CLEC16A: variants seen among roughly 807,000 people sequenced by gnomAD.
CLEC16A encodes the protein protein CLEC16A.
In CLEC16A, 51 loss-of-function variants were observed where a neutral mutation model predicts 109.5. The ratio of observed to expected loss-of-function variants is 0.47; its 90% CI spans 0.37 to 0.59. The LOEUF (loss-of-function observed/expected upper bound fraction) is 0.59, where lower values mean the gene tolerates loss of function less well. Ranked by LOEUF, CLEC16A falls within the 20% of genes least tolerant of loss-of-function variation. The pLI, the probability that CLEC16A is intolerant of heterozygous loss-of-function variation, is 0.00. For synonymous variants in CLEC16A, 673 were observed against 564.2 expected (o/e 1.19, Z -2.73); for missense variants, 1,339 against 1,394.0 (o/e 0.96, Z 0.63).
At chr16:11,067,500 G>A (rs2048837572) in intron 19 of CLEC16A, among the ~76,000 whole-genome samples, 1 of 152,176 alleles carries the variant, frequency 6.6e-6, no homozygotes, top group Non-Finnish European at 1.5e-5. Context: ...AGAGACGGCA[G>A]TGTGGCCACA....
chr16:11,073,169 G>C (rs781035785), intron 19 of CLEC16A, among the ~76,000 whole-genome samples: 1 of 152,190 alleles, frequency 6.6e-6, no homozygotes, highest in African/African-American at 2.4e-5. Context: ...ATTGCAAGGC[G>C]AGTGTGGTTT....
Position 10,971,228 on chromosome 16 carries a change from A to G in CLEC16A, c.596A>G (p.Lys199Arg), listed in dbSNP as rs1269065512. Reference sequence around the variant, plus strand: ...AGAACCATAACTTTGAATGTCTATAAAGGTAAGTGTCCTCATGGGCTTGTG... The same window carrying G: ...AGAACCATAACTTTGAATGTCTATAGAGGTAAGTGTCCTCATGGGCTTGTG... Reference protein sequence around the residue: ...AVRTITLNVYKVSLDNQAMLH... With the variant: ...AVRTITLNVYRVSLDNQAMLH... The change falls in exon 5 of 24, where the codon AAA (lysine) becomes AGA (arginine). Residue 199 changes from lysine (K) to arginine (R), a missense_variant and splice_region_variant. Physicochemically the swap from Lys to Arg is conservative, Grantham distance 26 (BLOSUM62 2). This residue lies in a region of CLEC16A where 161 missense variants were observed against 267.1 expected (regional missense o/e 0.60). Transcript: ENST00000409790. 6.2e-7 allele frequency: 1 copy of G among 1,606,326 alleles called. No individual in the cohort carries two copies. The highest frequency in any genetic ancestry group is 1.7e-5 in the Admixed American group (1 of 59,854).
At chr16:10,981,873 G>A (rs1467725434) in intron 9 of CLEC16A, among the ~76,000 whole-genome samples, 2 of 152,182 alleles carry the variant, frequency 1.3e-5, no homozygotes, top group African/African-American at 2.4e-5. Context: ...CTGGGGAGAT[G>A]CATTCAGTTG....
At chr16:11,137,793 A>T (rs2053639353) in intron 22 of CLEC16A, among the ~76,000 whole-genome samples, 1 of 152,062 alleles carries the variant, frequency 6.6e-6, no homozygotes, top group Admixed American at 6.5e-5. Context: ...TGGGTAACAG[A>T]GCGAGACTCC....
intron 11 of CLEC16A, among the ~76,000 whole-genome samples, chr16:11,015,259 G>T (rs189737213): frequency 2.5e-4 from 38 of 152,284 alleles, no homozygotes; most frequent in African/African-American, 7.9e-4. Context: ...GTCACAGCCA[G>T]GGTGTGGAAA....
At chr16:11,124,087 G>C in intron 21 of CLEC16A, 141 bp downstream of exon 21, 1 of 817,620 alleles carries the variant, frequency 1.2e-6, no homozygotes, top group South Asian at 1.8e-5. Flanking sequence ...ATACGAATAC[G>C]AGGAAGTTCC....
chr16:11,055,721 T>C (rs957635339), intron 18 of CLEC16A, among the ~76,000 whole-genome samples: 8 of 150,548 alleles, frequency 5.3e-5, no homozygotes, highest in African/African-American at 2.0e-4. Flanking sequence ...TACAGTAGCA[T>C]GAGCCACCAC....
At chr16:10,983,038 A>G (rs1354845890) in intron 10 of CLEC16A, 47 bp downstream of exon 10, 1 of 1,049,856 alleles carries the variant, frequency 9.5e-7, no homozygotes, top group Non-Finnish European at 1.5e-6. Context: ...ACCATTGCTC[A>G]TTTTGCTAAT....
At chr16:11,109,460 A>G (rs1264410442) in intron 19 of CLEC16A, among the ~76,000 whole-genome samples, 1 of 152,136 alleles carries the variant, frequency 6.6e-6, no homozygotes, top group Non-Finnish European at 1.5e-5. Flanking sequence ...AGCCCTGATA[A>G]TCTTTCAGTA....
chr16:11,177,530 G>T (rs1010788578), intron 23 of CLEC16A, among the ~76,000 whole-genome samples: 18 of 151,944 alleles, frequency 1.2e-4, no homozygotes, highest in Non-Finnish European at 2.2e-4. Context: ...ACCCCGGGAG[G>T]TGGAAGTTGC....
rs2068912279 is a variant in CLEC16A, at chr16:11,180,112, C to G, written c.*1422C>G. The G allele has an allele frequency of 6.6e-6, 1 of 152,306 alleles. No homozygotes were observed. The highest frequency in any genetic ancestry group is 2.4e-5 in the African/African-American group (1 of 41,460). 9.4% of individuals were successfully genotyped at this position (152,306 alleles called of 1,614,324 possible). ...AGGGGCATTAGGTATCCGCCGGAGC[C>G]TGGCCATAGGGTAGTCTCGGGAGCC... On this transcript the variant is annotated 3_prime_UTR_variant, in exon 24 of 24. Coordinates refer to ENST00000409790, the MANE Select transcript of CLEC16A (RefSeq NM_015226.3).
chr16:11,055,455 G>T (rs1018115423), intron 18 of CLEC16A, among the ~76,000 whole-genome samples: 13 of 152,086 alleles, frequency 8.5e-5, no homozygotes, highest in Non-Finnish European at 1.5e-4. Flanking sequence ...ACCAAGTGTG[G>T]CATGTTCAAG....
chr16:11,075,029 A>G (rs896229463), intron 19 of CLEC16A, among the ~76,000 whole-genome samples: 2 of 152,216 alleles, frequency 1.3e-5, no homozygotes, highest in African/African-American at 2.4e-5. Flanking sequence ...TTTAAAAATT[A>G]GCAGTGAGTA....
chr16:10,967,873 G>A (rs369498046), intron 3 of CLEC16A, among the ~76,000 whole-genome samples: 1 of 152,224 alleles, frequency 6.6e-6, no homozygotes, highest in Non-Finnish European at 1.5e-5. Flanking sequence ...ACACTAGCAC[G>A]CATGGGGAGC....
chr16:11,016,857 G>A (rs2045785101), intron 11 of CLEC16A, among the ~76,000 whole-genome samples: 1 of 152,138 alleles, frequency 6.6e-6, no homozygotes, highest in African/African-American at 2.4e-5. Context: ...CACTTAGAAA[G>A]CACTGTTGGC....
intron 22 of CLEC16A, among the ~76,000 whole-genome samples, chr16:11,141,748 C>A (rs2053840667): frequency 6.6e-6 from 1 of 152,208 alleles, no homozygotes; most frequent in Non-Finnish European, 1.5e-5. Context: ...CTAGCATGGT[C>A]AGTGATGGCG....
At chr16:11,047,541 A>G (rs1227526624) in intron 17 of CLEC16A, 199 bp downstream of exon 17, 8 of 414,918 alleles carry the variant, frequency 1.9e-5, no homozygotes, top group Non-Finnish European at 3.0e-5. Flanking sequence ...TCCCTCTAAC[A>G]TGGGAGGTGT....
At chr16:11,124,552 G>A (rs1435935080) in intron 21 of CLEC16A, among the ~76,000 whole-genome samples, 2 of 152,236 alleles carry the variant, frequency 1.3e-5, no homozygotes, top group African/African-American at 4.8e-5. Context: ...CCCAGTATTA[G>A]GAAGGCCAGG....
intron 22 of CLEC16A, among the ~76,000 whole-genome samples, chr16:11,144,203 A>G (rs2053958956): frequency 6.6e-6 from 1 of 152,166 alleles, no homozygotes. Context: ...CTGCACCCAA[A>G]TGAGCAAATC....
Sources: gnomAD v4.1 joint callset for allele counts (sites outside exome capture counted in the v4.1 genomes callset) on GRCh38, gnomAD v4.1.1 for gene constraint, gnomAD v4.1.1 regional missense constraint, MANE v1.5 for transcripts, NCBI Gene and HGNC (gene_info 2026-07-23, HGNC 2026-07-21) for gene names.